KLC1: variants seen among roughly 807,000 people sequenced by gnomAD.
KLC1 encodes the protein kinesin light chain 1.
In KLC1, 30 loss-of-function variants were observed where a neutral mutation model predicts 84.2. That is an observed-to-expected ratio of 0.36 (90% CI 0.27 to 0.48). The LOEUF (loss-of-function observed/expected upper bound fraction) is 0.48. KLC1 is among the 20% of genes least tolerant of loss of function. The pLI, the probability that KLC1 is intolerant of heterozygous loss-of-function variation, is 0.99. For synonymous variants in KLC1, 289 were observed against 293.3 expected (o/e 0.99, Z 0.15); for missense variants, 499 against 805.4 (o/e 0.62, Z 4.60).
At chr14:103,670,684 C>A (rs990848098) in intron 7 of KLC1, among the ~76,000 whole-genome samples, 77 of 151,246 alleles carry the variant, frequency 5.1e-4, no homozygotes, top group Non-Finnish European at 4.6e-4. Context: ...TGAGAAATAA[C>A]CACTGTGATG....
chr14:103,676,860 T>C (rs923163444), intron 11 of KLC1, among the ~76,000 whole-genome samples: 9 of 151,858 alleles, frequency 5.9e-5, no homozygotes, highest in African/African-American at 1.9e-4. Flanking sequence ...GTTTGAAAAA[T>C]AAGAAAGAAA....
At chr14:103,641,594 T>A (rs976470715) in intron 1 of KLC1, among the ~76,000 whole-genome samples, 7 of 152,034 alleles carry the variant, frequency 4.6e-5, no homozygotes, top group Admixed American at 1.3e-4. Flanking sequence ...TTAAAAAAAA[T>A]TTAATAATAA....
At chr14:103,668,349 G>A (rs911318342) in intron 5 of KLC1, among the ~76,000 whole-genome samples, 1 of 152,194 alleles carries the variant, frequency 6.6e-6, no homozygotes, top group South Asian at 2.1e-4. Flanking sequence ...TCTTCCCAGT[G>A]GCCTAGATGG....
Position 103,643,340 on chromosome 14 carries a change from G to A in KLC1, c.-1-11224G>A, listed in dbSNP as rs898034151. ...TGGAATGGGATGACTGTGTGTGGAG[G>A]TGGTGGTGATAATCTTACAGTGGCT... On this transcript the variant is annotated intron_variant, in intron 1 of 16. Coordinates refer to ENST00000334553, the MANE Select transcript of KLC1 (RefSeq NM_001394837.1). Among the ~76,000 whole-genome samples, 31 of 152,166 alleles carry A rather than the reference G, an allele frequency of 2.0e-4. 1 individual carries two copies. Among genetic ancestry groups the A allele is most frequent in the Admixed American group, 1.5e-3 (23 of 15,270 alleles).
At chr14:103,667,789 C>T (rs1188299998) in intron 5 of KLC1, among the ~76,000 whole-genome samples, 1 of 152,198 alleles carries the variant, frequency 6.6e-6, no homozygotes, top group Non-Finnish European at 1.5e-5. Flanking sequence ...GCCTTATTAA[C>T]CTTTCTCACG....
intron 15 of KLC1, chr14:103,695,444 CCT>C (rs1354783127): frequency 4.1e-6 from 4 of 984,248 alleles, no homozygotes; most frequent in African/African-American, 1.8e-5. Flanking sequence ...AGCAGCTTCC[CCT>C]GACAGGTGCC....
chr14:103,655,241 A>G (rs1048008644), intron 2 of KLC1, among the ~76,000 whole-genome samples: 1 of 152,022 alleles, frequency 6.6e-6, no homozygotes, highest in East Asian at 1.9e-4. Flanking sequence ...AAAAAACAAA[A>G]CAAAACAGAT....
chr14:103,677,996 C>G (rs994133676), intron 12 of KLC1, among the ~76,000 whole-genome samples: 1 of 147,568 alleles, frequency 6.8e-6, no homozygotes, highest in African/African-American at 2.5e-5. Context: ...AAGCATGAGG[C>G]TGGGCACAGT....
chr14:103,644,581 CCT>C (rs1254067900), intron 1 of KLC1, among the ~76,000 whole-genome samples: 1 of 151,898 alleles, frequency 6.6e-6, no homozygotes, highest in Non-Finnish European at 1.5e-5. Flanking sequence ...TTTTTTCCTC[CCT>C]CTCTGGAAGT....
At chr14:103,700,295 AGAGCTTCCAGGG>A in intron 15 of KLC1, 1 of 248,050 alleles carries the variant, frequency 4.0e-6, no homozygotes, top group South Asian at 6.5e-5. Flanking sequence ...AGCTCCCAGG[AGAGCTTCCAGGG>A]GAGGACCCCC....
At chr14:103,664,983 G>C (rs988930411) in intron 5 of KLC1, among the ~76,000 whole-genome samples, 42 of 152,104 alleles carry the variant, frequency 2.8e-4, no homozygotes, top group Non-Finnish European at 2.9e-5. Flanking sequence ...GGGTGCTGGG[G>C]ATGCCATGGC....
rs191571683 is a variant in KLC1, at chr14:103,690,593, C to T, written c.1782-1766C>T. Among the ~76,000 whole-genome samples the T allele has an allele frequency of 2.3e-4, 35 of 151,476 alleles. 3 individuals are homozygous for T. Among genetic ancestry groups the T allele is most frequent in the Admixed American group, 1.8e-3 (27 of 15,160 alleles). On this transcript the variant is annotated intron_variant, in intron 14 of 16. Transcript: ENST00000334553. ...AGCCTGTGCCTCAGCCTCACAGCCA[C>T]CGTCCTTGGCTTTCCCAGGAACTGC...
intron 1 of KLC1, among the ~76,000 whole-genome samples, chr14:103,642,555 A>G (rs1483654334): frequency 6.6e-6 from 1 of 152,040 alleles, no homozygotes; most frequent in South Asian, 2.1e-4. Flanking sequence ...ACAAATCAGA[A>G]CTCTTTGGAG....
At chr14:103,673,513 T>C in intron 9 of KLC1, 82 bp downstream of exon 9, 1 of 865,480 alleles carries the variant, frequency 1.2e-6, no homozygotes, top group South Asian at 1.8e-5. Flanking sequence ...TATTAGTTAC[T>C]GTTTATTAAG....
At chr14:103,663,076 T>C (rs2079423010) in intron 5 of KLC1, 149 bp downstream of exon 5, 1 of 561,788 alleles carries the variant, frequency 1.8e-6, no homozygotes, top group Non-Finnish European at 3.0e-6. Context: ...TAAAAATATT[T>C]AGCAAGCTTT....
intron 3 of KLC1, among the ~76,000 whole-genome samples, chr14:103,661,343 G>A (rs1188525771): frequency 1.3e-5 from 2 of 152,142 alleles, no homozygotes; most frequent in Admixed American, 6.5e-5. Flanking sequence ...CGTGGAATGG[G>A]GTCTCTGTCT....
chr14:103,696,909 C>T (rs909085086), intron 15 of KLC1: 118 of 985,262 alleles, frequency 1.2e-4, no homozygotes, highest in Non-Finnish European at 1.4e-4. Flanking sequence ...CAGGCCAGCC[C>T]GTCTGCAGAC....
chr14:103,638,569 G>C (rs2077226363), intron 1 of KLC1, among the ~76,000 whole-genome samples: 1 of 150,666 alleles, frequency 6.6e-6, no homozygotes, highest in African/African-American at 2.4e-5. Context: ...TCCCCACCTG[G>C]CTGAATTTCA....
At chr14:103,632,570 C>A (rs116185759) in intron 1 of KLC1, among the ~76,000 whole-genome samples, 2,648 of 151,698 alleles carry the variant, frequency 0.017, 67 homozygotes, top group African/African-American at 0.056. Flanking sequence ...ACAAAAAAAA[C>A]CAAAACCGGG....
Sources: allele counts gnomAD v4.1 joint callset (sites outside exome capture counted in the v4.1 genomes callset), GRCh38; gene constraint gnomAD v4.1.1; transcripts MANE v1.5; gene names NCBI Gene and HGNC (gene_info 2026-07-23, HGNC 2026-07-21).